The following NUP35 variants were observed in gnomAD, a reference collection of about 807,000 sequenced individuals.
The protein encoded by NUP35 is nucleoporin NUP35.
In NUP35, 25 loss-of-function variants were observed where a neutral mutation model predicts 41.5. The ratio of observed to expected loss-of-function variants is 0.60; its 90% CI spans 0.44 to 0.84. NUP35 has a LOEUF of 0.84. NUP35 is among the 40% of genes least tolerant of loss of function. The pLI is 0.00. For synonymous variants in NUP35, 149 were observed against 130.7 expected (o/e 1.14, Z -0.96); for missense variants, 396 against 396.6 (o/e 1.00, Z 0.01).
At chr2:183,138,914 A>C (rs1684986878) in intron 4 of NUP35, among the ~76,000 whole-genome samples, 1 of 152,104 alleles carries the variant, frequency 6.6e-6, no homozygotes, top group Admixed American at 6.5e-5. Context: ...GGGGGCCAAA[A>C]GGGACTCTTC....
At position 183,128,450 on chromosome 2, in the gene NUP35, A is replaced by C. The variant is rs773729922; in HGVS notation, c.204A>C (p.Leu68Phe). ...SVGVMEMRSP[L>F]LAGGSPPQPV... ...GAGTAATGGAAATGAGATCACCTTT[A>C]CTTGCAGGTAGGTGAATTGCTTAAA... Residue 68 changes from leucine to phenylalanine, a missense_variant, in exon 2 of 9, where the codon TTA (leucine) becomes TTC (phenylalanine). By Grantham distance (22) the Leu-to-Phe change is conservative. Transcript: ENST00000295119. The C allele has an allele frequency of 1.9e-6, 3 of 1,611,140 alleles. No homozygotes were observed. Among genetic ancestry groups the C allele is most frequent in the Non-Finnish European group, 2.5e-6 (3 of 1,178,308 alleles).
chr2:183,133,468 C>A, intron 3 of NUP35, 98 bp from the exon 4 acceptor site: 1 of 921,980 alleles, frequency 1.1e-6, no homozygotes, highest in Non-Finnish European at 1.7e-6. Flanking sequence ...ATCTCTAGCA[C>A]ATGATAAAAA....
chr2:183,124,692 C>T (rs988255175), intron 1 of NUP35, among the ~76,000 whole-genome samples, 195 bp downstream of exon 1: 5 of 152,128 alleles, frequency 3.3e-5, no homozygotes, highest in African/African-American at 7.2e-5. Flanking sequence ...AAGGTGGCGC[C>T]GGGAAGCTGA....
chr2:183,159,737 T>A, intron 8 of NUP35, 85 bp downstream of exon 8: 1 of 1,053,180 alleles, frequency 9.5e-7, no homozygotes, highest in South Asian at 1.4e-5. Flanking sequence ...TTGATTTGTA[T>A]GCCATTAAAT....
chr2:183,145,916 A>G (rs1685260310), intron 4 of NUP35, among the ~76,000 whole-genome samples: 1 of 152,230 alleles, frequency 6.6e-6, no homozygotes, highest in Admixed American at 6.5e-5. Flanking sequence ...ATTCTAACTG[A>G]AAAGAAAAAA....
At chr2:183,150,297 T>G (rs925586752) in intron 4 of NUP35, among the ~76,000 whole-genome samples, 5 of 152,216 alleles carry the variant, frequency 3.3e-5, no homozygotes, top group African/African-American at 1.2e-4. Context: ...CTTAGAGCTT[T>G]AGCTTTTACA....
intron 4 of NUP35, among the ~76,000 whole-genome samples, chr2:183,138,987 T>C (rs948174801): frequency 2.0e-5 from 3 of 152,148 alleles, no homozygotes; most frequent in Non-Finnish European, 4.4e-5. Context: ...TGTTTGGCTC[T>C]CATCTGTCTT....
intron 4 of NUP35, among the ~76,000 whole-genome samples, chr2:183,146,355 C>T (rs951017322): frequency 5.9e-5 from 9 of 152,146 alleles, no homozygotes; most frequent in African/African-American, 1.9e-4. Flanking sequence ...TATTAATGTA[C>T]ACTTTCCTTT....
At chr2:183,142,938 C>T (rs1033409792) in intron 4 of NUP35, among the ~76,000 whole-genome samples, 20 of 151,750 alleles carry the variant, frequency 1.3e-4, no homozygotes, top group African/African-American at 3.6e-4. Flanking sequence ...GGGTGGGTCA[C>T]GAGATCAGGA....
intron 5 of NUP35, among the ~76,000 whole-genome samples, chr2:183,153,065 G>C (rs1476616309): frequency 6.6e-6 from 1 of 152,088 alleles, no homozygotes; most frequent in South Asian, 2.1e-4. Context: ...AAGCAAAAGC[G>C]GAAGCCCCTG....
chr2:183,158,459 C>A, intron 7 of NUP35, 48 bp downstream of exon 7: 1 of 1,488,152 alleles, frequency 6.7e-7, no homozygotes, highest in South Asian at 1.4e-5. Context: ...ATATGAAGAG[C>A]ACAAGACCAA....
chr2:183,125,283 T>G (rs1684420296), intron 1 of NUP35, among the ~76,000 whole-genome samples: 1 of 151,964 alleles, frequency 6.6e-6, no homozygotes, highest in African/African-American at 2.4e-5. Flanking sequence ...ATTTCTTTTT[T>G]TCCTGCTGAG....
upstream of NUP35, chr2:183,123,926 C>T (rs113196558): frequency 9.7e-4 from 510 of 523,494 alleles, 3 homozygotes; most frequent in African/African-American, 9.6e-3. Context: ...GTATGAGTTA[C>T]GCTTTAATGT....
At chr2:183,127,120 C>T (rs1684518368) in intron 1 of NUP35, among the ~76,000 whole-genome samples, 1 of 152,082 alleles carries the variant, frequency 6.6e-6, no homozygotes, top group Non-Finnish European at 1.5e-5. Flanking sequence ...CCTTATTCTG[C>T]TATTTTGCTC....
intron 4 of NUP35, among the ~76,000 whole-genome samples, chr2:183,134,277 A>G (rs1478860719): frequency 6.6e-6 from 1 of 152,224 alleles, no homozygotes; most frequent in Non-Finnish European, 1.5e-5. Flanking sequence ...CAAAATAGAT[A>G]TTCCCTGCCT....
intron 4 of NUP35, among the ~76,000 whole-genome samples, chr2:183,151,131 G>A (rs1336634444): frequency 6.6e-6 from 1 of 152,156 alleles, no homozygotes; most frequent in Non-Finnish European, 1.5e-5. Context: ...TTGTTCTGTG[G>A]GTAATACATT....
At chr2:183,152,472 A>G (rs989038363) in intron 5 of NUP35, among the ~76,000 whole-genome samples, 6 of 152,088 alleles carry the variant, frequency 3.9e-5, no homozygotes, top group Non-Finnish European at 7.4e-5. Context: ...AGTCCATTGC[A>G]TCATTCTTAT....
At chr2:183,150,704 T>A (rs1415363365) in intron 4 of NUP35, among the ~76,000 whole-genome samples, 1 of 152,204 alleles carries the variant, frequency 6.6e-6, no homozygotes, top group Non-Finnish European at 1.5e-5. Flanking sequence ...AGGGATGGAT[T>A]TTTTGTTTTT....
rs771261307 is a variant in NUP35, at chr2:183,130,558, C to A, written c.339+13C>A. The A allele has an allele frequency of 2.8e-5, 45 of 1,609,432 alleles. No homozygotes were observed. The South Asian group carries it at 4.9e-4, about 17-fold the overall frequency. ...TTCAAGAAGACAGGTAATATAAATA[C>A]CCTTTTGATCCCCAATGAACAACAT... On this transcript the variant is annotated intron_variant, in intron 3 of 8. Transcript: ENST00000295119.
Sources: allele counts gnomAD v4.1 joint callset (sites outside exome capture counted in the v4.1 genomes callset), GRCh38; gene constraint gnomAD v4.1.1; transcripts MANE v1.5; gene names NCBI Gene and HGNC (gene_info 2026-07-23, HGNC 2026-07-21).